The following GPC3 variants were observed in gnomAD, a reference collection of about 807,000 sequenced individuals.
GPC3 encodes the protein glypican-3.
A neutral mutation model predicts 34.4 loss-of-function variants in GPC3; 3 were observed. The observed-to-expected ratio is 0.09, with a 90% CI of 0.04 to 0.23. GPC3 has a LOEUF of 0.23. GPC3 is among the 10% of genes least tolerant of loss of function. GPC3 has a pLI of 1.00. For missense variants in GPC3, 351 were observed against 445.6 expected (o/e 0.79, Z 1.91); for synonymous variants, 177 against 174.0 (o/e 1.02, Z -0.13).
chrX:133,850,940 CA>C (rs10710959), intron 2 of GPC3, among the ~76,000 whole-genome samples: 27,414 of 94,900 alleles, frequency 0.29, 5,500 homozygotes, highest in African/African-American at 0.68. Flanking sequence ...ACTAAAAATA[CA>C]AAAAAAAAAA....
chrX:133,584,197 A>G (rs2069761280), intron 7 of GPC3, among the ~76,000 whole-genome samples: 1 of 112,468 alleles, frequency 8.9e-6, no homozygotes, highest in Non-Finnish European at 1.9e-5. Context: ...GACCAAAGGA[A>G]GCAAATGTGA....
At chrX:133,547,112 C>T (rs1445679037) in intron 7 of GPC3, among the ~76,000 whole-genome samples, 1 of 110,533 alleles carries the variant, frequency 9.0e-6, no homozygotes, top group Non-Finnish European at 1.9e-5. Flanking sequence ...TATGTGGGAG[C>T]TAAAAAATAG....
chrX:133,879,580 A>G (rs1021324120), intron 2 of GPC3, among the ~76,000 whole-genome samples: 12 of 110,858 alleles, frequency 1.1e-4, no homozygotes, highest in African/African-American at 3.3e-4. Flanking sequence ...TGAGGCAAGC[A>G]GATCACTTGA....
chrX:133,782,930 A>G (rs1446339827), intron 2 of GPC3, among the ~76,000 whole-genome samples: 3 of 111,494 alleles, frequency 2.7e-5, no homozygotes, highest in African/African-American at 9.8e-5. Flanking sequence ...ACAGGTTAGC[A>G]GGGGCCAATT....
chrX:133,596,295 A>G, intron 7 of GPC3, 145 bp downstream of exon 7: 1 of 557,915 alleles, frequency 1.8e-6, no homozygotes, highest in Non-Finnish European at 3.1e-6. Flanking sequence ...CACTTTCTAG[A>G]GCTTGTATAG....
At position 133,536,000 on chromosome X, in the gene GPC3, A is replaced by G; in HGVS notation, c.*124T>C. ...TAACACATGGTTAGTCCTCTACTTC[A>G]TGGCTGGAGGAGGTATACAGGATAA... On this transcript the variant is annotated 3_prime_UTR_variant, in exon 8 of 8. Transcript: ENST00000370818. 1 of 510,857 alleles carries G rather than the reference A, an allele frequency of 2.0e-6. No individual in the cohort carries two copies. Among genetic ancestry groups the G allele is most frequent in the Admixed American group, 3.3e-5 (1 of 30,676 alleles). The allele number at this position is 510,857 out of a possible 1,213,427, so 42.1% of individuals were successfully genotyped here. A position where few individuals can be genotyped will look rare whatever the true frequency, so the allele number is the denominator to read the frequency against.
intron 2 of GPC3, among the ~76,000 whole-genome samples, chrX:133,948,046 C>T (rs1463314576): frequency 9.0e-6 from 1 of 110,632 alleles, no homozygotes. Flanking sequence ...GCAGAACTGT[C>T]AGGCTAGTCA....
chrX:133,844,330 G>A (rs2075838374), intron 2 of GPC3, among the ~76,000 whole-genome samples: 1 of 112,360 alleles, frequency 8.9e-6, no homozygotes, highest in African/African-American at 3.2e-5. Flanking sequence ...TGATTGTTGT[G>A]TTAATTAGCT....
rs148951753 is a variant in GPC3 at position 133,753,625 on chromosome X, T to C, written c.889A>G (p.Arg297Gly). ...AGVVEIDKYW[R>G]EYILSLEELV... is the part of the protein sequence containing the mutation. ...TCTTCAAGGGACAGAATGTATTCTC[T>C]CCAGTACTTGTCAATCTCCACCACA... Residue 297 changes from arginine to glycine, a missense_variant, in exon 3 of 8, where the codon AGA (arginine) becomes GGA (glycine). By Grantham distance (125) the Arg-to-Gly change is moderately radical. Coordinates refer to ENST00000370818, the MANE Select transcript of GPC3 (RefSeq NM_004484.4). 2.7e-4 allele frequency: 322 copies of C among 1,209,352 alleles called. No individual in the cohort carries two copies. Among genetic ancestry groups the C allele is most frequent in the Non-Finnish European group, 3.4e-4 (307 of 894,319 alleles).
At chrX:133,662,244 A>G (rs2070734927) in intron 5 of GPC3, among the ~76,000 whole-genome samples, 1 of 111,466 alleles carries the variant, frequency 9.0e-6, no homozygotes, top group Admixed American at 9.5e-5. Flanking sequence ...ACTGTGTGTG[A>G]GCCTTCTACT....
chrX:133,970,217 G>A (rs1468189333), intron 1 of GPC3, among the ~76,000 whole-genome samples: 2 of 111,583 alleles, frequency 1.8e-5, no homozygotes, highest in Non-Finnish European at 1.9e-5. Context: ...AAAGGGCTGG[G>A]GAGGGGCGTG....
intron 3 of GPC3, among the ~76,000 whole-genome samples, chrX:133,720,010 C>T (rs901575115): frequency 8.9e-6 from 1 of 111,833 alleles, no homozygotes; most frequent in African/African-American, 3.2e-5. Flanking sequence ...GATGAGATAC[C>T]ACCTTACTCC....
intron 3 of GPC3, 131 bp from the exon 4 acceptor site, chrX:133,700,159 A>C (rs1046017699): frequency 1.9e-6 from 1 of 514,179 alleles, no homozygotes; most frequent in South Asian, 3.3e-5. Context: ...AGAGTCAAAA[A>C]AGGTGATAAG....
chrX:133,712,636 T>C (rs1460888590), intron 3 of GPC3, among the ~76,000 whole-genome samples: 1 of 110,170 alleles, frequency 9.1e-6, no homozygotes, highest in Non-Finnish European at 1.9e-5. Flanking sequence ...TTCTAGCACT[T>C]TGGGAGGCTG....
intron 2 of GPC3, among the ~76,000 whole-genome samples, chrX:133,810,062 A>G (rs763510534): frequency 8.9e-6 from 1 of 111,985 alleles, no homozygotes; most frequent in Non-Finnish European, 1.9e-5. Flanking sequence ...ATTTTATTTC[A>G]GGTACATTCT....
At position 133,985,543 on chromosome X, in the gene GPC3, G is replaced by A; in HGVS notation, c.-94C>T. ...GCAAGCCTGGCAGTGGCCCTGAGGA[G>A]CAAGAGACGTGCTGCTACCCAGCCG... On this transcript the variant is annotated 5_prime_UTR_variant, in exon 1 of 8. Transcript: ENST00000370818. The A allele has an allele frequency of 2.3e-6, 2 of 856,777 alleles. No homozygotes were observed. Among genetic ancestry groups the A allele is most frequent in the Non-Finnish European group, 3.3e-6 (2 of 602,373 alleles). 70.6% of individuals were successfully genotyped at this position (856,777 alleles called of 1,213,427 possible).
At chrX:133,949,342 G>T (rs1011967391) in intron 2 of GPC3, among the ~76,000 whole-genome samples, 4 of 111,925 alleles carry the variant, frequency 3.6e-5, no homozygotes, top group African/African-American at 1.3e-4. Context: ...GCCTGTAGGA[G>T]TATAGTCCTC....
chrX:133,810,362 T>G (rs1231877187), intron 2 of GPC3, among the ~76,000 whole-genome samples: 1 of 112,121 alleles, frequency 8.9e-6, no homozygotes, highest in African/African-American at 3.2e-5. Context: ...TCGTCATCCT[T>G]CCTAAATTAC....
At chrX:133,933,228 T>C (rs2076306550) in intron 2 of GPC3, among the ~76,000 whole-genome samples, 1 of 110,463 alleles carries the variant, frequency 9.1e-6, no homozygotes, top group Non-Finnish European at 1.9e-5. Context: ...TTCAGTCCTG[T>C]CAAGGGGACA....
Sources: allele counts gnomAD v4.1 joint callset (sites outside exome capture counted in the v4.1 genomes callset), GRCh38; gene constraint gnomAD v4.1.1; transcripts MANE v1.5; gene names NCBI Gene and HGNC (gene_info 2026-07-23, HGNC 2026-07-21).